SOX5: variants seen among roughly 807,000 people sequenced by gnomAD.
The protein encoded by SOX5 is transcription factor SOX-5.
A neutral mutation model predicts 92.0 loss-of-function variants in SOX5; 9 were observed. The ratio of observed to expected loss-of-function variants is 0.10; its 90% CI spans 0.06 to 0.17. SOX5 has a LOEUF of 0.17. SOX5 is among the 10% of genes least tolerant of loss of function. The probability of loss-of-function intolerance (pLI) is 1.00; values close to 1 mark genes in which losing one functional copy is unlikely to be tolerated. For missense variants in SOX5, 642 were observed against 944.5 expected (o/e 0.68, Z 4.20); for synonymous variants, 344 against 336.3 (o/e 1.02, Z -0.25).
chr12:24,438,273 G>A (rs1392705692), intron 1 of SOX5, among the ~76,000 whole-genome samples: 1 of 152,008 alleles, frequency 6.6e-6, no homozygotes, highest in Non-Finnish European at 1.5e-5. Context: ...CACATACCAG[G>A]GCCTGTCAGG....
chr12:23,722,812 C>T (rs2092893496), intron 6 of SOX5, among the ~76,000 whole-genome samples: 1 of 152,200 alleles, frequency 6.6e-6, no homozygotes, highest in Admixed American at 6.5e-5. Flanking sequence ...AGTGGCAAAG[C>T]TTCCCACTTA....
At chr12:24,125,523 A>T (rs1277247629) in intron 4 of SOX5, among the ~76,000 whole-genome samples, 1 of 152,162 alleles carries the variant, frequency 6.6e-6, no homozygotes, top group Non-Finnish European at 1.5e-5. Flanking sequence ...CGTTACAGGT[A>T]CCATTTTGCC....
chr12:23,755,571 C>A (rs1036812743), intron 4 of SOX5, 67 bp downstream of exon 4: 68 of 1,118,172 alleles, frequency 6.1e-5, no homozygotes, highest in Non-Finnish European at 8.5e-5. Flanking sequence ...ACTTTATCAC[C>A]ATTACTATTT....
rs139834123 is a variant in SOX5 at position 23,758,929 on chromosome 12, C to G, written c.482-3205G>C. 1.2e-4 allele frequency among the ~76,000 whole-genome samples: 18 copies of G among 151,886 alleles called. No individual in the cohort carries two copies. The East Asian group carries it at 3.5e-3, about 30-fold the overall frequency. ...ATGCTAGCACCTTGAGGTTGGACTT[C>G]TCAGTCTCCAGAACTGTGAGAAATA... On this transcript the variant is annotated intron_variant, in intron 3 of 14. Coordinates refer to ENST00000451604, the MANE Select transcript of SOX5 (RefSeq NM_006940.6).
intron 4 of SOX5, among the ~76,000 whole-genome samples, chr12:23,988,605 GATTGT>G (rs1456671017): frequency 2.6e-5 from 4 of 152,188 alleles, no homozygotes; most frequent in African/African-American, 9.6e-5. Context: ...TAATTAATAT[GATTGT>G]ATTATTTCCA....
chr12:24,052,317 C>G (rs533496110), intron 4 of SOX5, among the ~76,000 whole-genome samples: 1 of 152,174 alleles, frequency 6.6e-6, no homozygotes, highest in Non-Finnish European at 1.5e-5. Flanking sequence ...CTTCTCAGGT[C>G]ACAGAATAAG....
intron 1 of SOX5, among the ~76,000 whole-genome samples, chr12:24,489,919 C>A (rs1946882621): frequency 1.3e-5 from 2 of 152,252 alleles, no homozygotes; most frequent in South Asian, 4.1e-4. Context: ...TAGTCCAGAA[C>A]TGCACCCAAA....
intron 2 of SOX5, among the ~76,000 whole-genome samples, chr12:24,277,475 T>TATAAATATATATGTAAATTTACATTTAA (rs1565810503): frequency 5.1e-5 from 3 of 58,556 alleles, no homozygotes; most frequent in Non-Finnish European, 1.1e-4. Flanking sequence ...CATTTAAATA[T>TATAAATATATATGTAAATTTACATTTAA]ATAAATATAT....
chr12:24,236,213 GATAA>G (rs1474276647), intron 3 of SOX5, among the ~76,000 whole-genome samples: 1 of 151,544 alleles, frequency 6.6e-6, no homozygotes, highest in East Asian at 1.9e-4. Flanking sequence ...TAAATAAATA[GATAA>G]ATAAAATAAA....
At chr12:24,370,433 C>T (rs1319356869) in intron 1 of SOX5, among the ~76,000 whole-genome samples, 2 of 142,382 alleles carry the variant, frequency 1.4e-5, no homozygotes, top group East Asian at 2.1e-4. Context: ...GCTGAGACTG[C>T]GCCACCGCAC....
intron 6 of SOX5, among the ~76,000 whole-genome samples, chr12:23,718,535 G>A (rs2092636416): frequency 6.6e-6 from 1 of 152,146 alleles, no homozygotes. Context: ...AAAATACAAT[G>A]TTTTTATAAA....
At chr12:23,737,533 C>A (rs985530569) in intron 5 of SOX5, among the ~76,000 whole-genome samples, 1 of 152,064 alleles carries the variant, frequency 6.6e-6, no homozygotes, top group African/African-American at 2.4e-5. Flanking sequence ...ATGCGAGACT[C>A]CATCTCAAAC....
At chr12:24,305,392 A>G (rs1046679709) in intron 2 of SOX5, among the ~76,000 whole-genome samples, 19 of 152,124 alleles carry the variant, frequency 1.2e-4, no homozygotes, top group Admixed American at 1.2e-3. Context: ...GTCTACAGAG[A>G]TGGGGGTTCA....
intron 3 of SOX5, among the ~76,000 whole-genome samples, chr12:24,236,409 T>C (rs144214784): frequency 2.6e-5 from 4 of 152,198 alleles, no homozygotes; most frequent in Admixed American, 1.3e-4. Context: ...ACCTGTAAAT[T>C]TGAGAAACTG....
intron 4 of SOX5, among the ~76,000 whole-genome samples, chr12:24,180,974 C>T (rs932744725): frequency 1.3e-5 from 2 of 152,128 alleles, no homozygotes; most frequent in Admixed American, 6.5e-5. Context: ...ATAAGCATCT[C>T]GCCATTAGAA....
intron 7 of SOX5, among the ~76,000 whole-genome samples, chr12:23,648,180 A>C (rs1270366322): frequency 1.3e-5 from 2 of 152,208 alleles, no homozygotes; most frequent in Admixed American, 1.3e-4. Flanking sequence ...ATATTGAAAA[A>C]ATTATCAAAA....
rs570384370 is a variant in SOX5 at position 24,383,193 on chromosome 12, T to C, written c.-250-14554A>G. Reference sequence around the variant, plus strand: ...TCTCCCTCCCTAACAGCTGGGATTATAGGTGTGAACCACCCCGCCTGGCCC... The same window carrying C: ...TCTCCCTCCCTAACAGCTGGGATTACAGGTGTGAACCACCCCGCCTGGCCC... On this transcript the variant is annotated intron_variant, in intron 1 of 4. Coordinates refer to the SOX5 transcript ENST00000446891. Among the ~76,000 whole-genome samples the C allele has an allele frequency of 4.6e-5, 7 of 152,320 alleles. No individual in the cohort carries two copies. In the South Asian group the frequency reaches 1.5e-3, roughly 32 times the overall value.
intron 3 of SOX5, among the ~76,000 whole-genome samples, chr12:24,268,634 T>C (rs750896985): frequency 7.9e-5 from 12 of 152,224 alleles, no homozygotes; most frequent in Non-Finnish European, 1.8e-4. Flanking sequence ...TACCATATGT[T>C]ACAAGAGAAA....
chr12:24,424,911 G>GCCTGCCATAGGTTTA (rs1966526437), intron 1 of SOX5, among the ~76,000 whole-genome samples: 1 of 150,762 alleles, frequency 6.6e-6, no homozygotes. Flanking sequence ...GAGACCATCT[G>GCCTGCCATAGGTTTA]CCTGCCATAG....
Sources: gnomAD v4.1 joint callset for allele counts (sites outside exome capture counted in the v4.1 genomes callset) on GRCh38, gnomAD v4.1.1 for gene constraint, MANE v1.5 for transcripts, NCBI Gene and HGNC (gene_info 2026-07-23, HGNC 2026-07-21) for gene names.